Variants in UVRAG observed in about 807,000 individuals in gnomAD.
UVRAG encodes the protein UV radiation resistance associated.
A neutral mutation model predicts 78.0 loss-of-function variants in UVRAG; 19 were observed. The observed-to-expected ratio is 0.24, with a 90% CI of 0.17 to 0.36. The LOEUF is 0.36. Among genes scored for constraint, UVRAG ranks in the 10% least tolerant of loss-of-function variants. The pLI is 1.00. For missense variants in UVRAG, 740 were observed against 853.8 expected (o/e 0.87, Z 1.66); for synonymous variants, 323 against 324.6 (o/e 1.00, Z 0.05).
At chr11:75,991,661 C>A (rs936893605) in intron 8 of UVRAG, among the ~76,000 whole-genome samples, 1 of 152,040 alleles carries the variant, frequency 6.6e-6, no homozygotes, top group African/African-American at 2.4e-5. Flanking sequence ...CTGAATAATA[C>A]TACATTTTTA....
intron 13 of UVRAG, among the ~76,000 whole-genome samples, chr11:76,080,643 G>A (rs898242572): frequency 4.6e-5 from 7 of 152,216 alleles, no homozygotes; most frequent in South Asian, 4.2e-4. Flanking sequence ...TCGTTAGTAC[G>A]TTCAAATTAT....
chr11:76,038,285 G>A (rs1017475261), intron 12 of UVRAG, among the ~76,000 whole-genome samples: 2 of 151,900 alleles, frequency 1.3e-5, no homozygotes, highest in African/African-American at 4.8e-5. Flanking sequence ...AATTAACACA[G>A]TTCATGAAAA....
chr11:75,887,290 C>T (rs1040651782), intron 4 of UVRAG, among the ~76,000 whole-genome samples: 6 of 151,792 alleles, frequency 4.0e-5, no homozygotes, highest in African/African-American at 1.5e-4. Context: ...GGATTACAGG[C>T]GCCCGCCACC....
At chr11:75,970,600 G>A (rs895608114) in intron 7 of UVRAG, among the ~76,000 whole-genome samples, 1 of 151,994 alleles carries the variant, frequency 6.6e-6, no homozygotes, top group East Asian at 1.9e-4. Context: ...GGGCGTGGTC[G>A]CGGGCGCCTG....
intron 6 of UVRAG, among the ~76,000 whole-genome samples, chr11:75,960,164 G>A: frequency 6.6e-6 from 1 of 151,372 alleles, no homozygotes; most frequent in Admixed American, 6.6e-5. Flanking sequence ...GGCTCCAGTA[G>A]ACTTGATTGA....
intron 1 of UVRAG, among the ~76,000 whole-genome samples, chr11:75,825,311 C>T (rs1345848102): frequency 1.3e-5 from 2 of 152,002 alleles, no homozygotes; most frequent in African/African-American, 4.8e-5. Flanking sequence ...ACGGGTTTCA[C>T]CACATTGGCC....
At chr11:75,830,755 A>G (rs1945637810) in intron 1 of UVRAG, among the ~76,000 whole-genome samples, 1 of 152,156 alleles carries the variant, frequency 6.6e-6, no homozygotes, top group South Asian at 2.1e-4. Flanking sequence ...CATTTCCTCA[A>G]TTGCCAAATG....
chr11:76,102,884 T>C (rs57092805), intron 13 of UVRAG, among the ~76,000 whole-genome samples: 21,178 of 152,110 alleles, frequency 0.14, 3,822 homozygotes, highest in African/African-American at 0.42. Flanking sequence ...TGCTCAGGGT[T>C]TCACAAGGCC....
intron 12 of UVRAG, among the ~76,000 whole-genome samples, chr11:76,024,481 G>A (rs116428896): frequency 7.3e-4 from 111 of 152,122 alleles, no homozygotes; most frequent in African/African-American, 2.6e-3. Flanking sequence ...AACACAAATT[G>A]TATTTTGTTG....
chr11:76,052,470 C>T (rs1159069041), intron 12 of UVRAG, among the ~76,000 whole-genome samples: 1 of 152,192 alleles, frequency 6.6e-6, no homozygotes, highest in African/African-American at 2.4e-5. Context: ...TTCCCACCAG[C>T]TTCATTTCCT....
chr11:76,089,696 G>A lies in UVRAG; in HGVS notation c.1305+23908G>A, dbSNP rs1293648739. Reference sequence around the variant, plus strand: ...TTTCTGCTTGTTTCCCAGAGGTAACGACTTTCAACAATCTTAGCAGATTAT... The same window carrying A: ...TTTCTGCTTGTTTCCCAGAGGTAACAACTTTCAACAATCTTAGCAGATTAT... On this transcript the variant is annotated intron_variant, in intron 13 of 14. Transcript: ENST00000356136. 2.6e-5 allele frequency among the ~76,000 whole-genome samples: 4 copies of A among 152,104 alleles called. No homozygotes were observed. In the East Asian group the frequency reaches 7.7e-4, roughly 29 times the overall value.
In UVRAG at chr11:75,815,390, G is replaced by A. The variant is rs887086737; in HGVS notation, c.-18G>A. 4.6e-5 allele frequency: 56 copies of A among 1,215,394 alleles called. No individual in the cohort carries two copies. The highest frequency in any genetic ancestry group is 5.3e-5 in the Non-Finnish European group (51 of 967,286). 75.3% of individuals were successfully genotyped at this position (1,215,394 alleles called of 1,614,324 possible). On this transcript the variant is annotated 5_prime_UTR_variant, in exon 1 of 15. Transcript: ENST00000356136. ...CGGAAGAGTGCCCGCCCCGCCGCTT[G>A]GCGGCCCCTGGATCGAGATGAGCGC...
chr11:75,910,920 G>A (rs1482671902), intron 5 of UVRAG, among the ~76,000 whole-genome samples: 1 of 152,104 alleles, frequency 6.6e-6, no homozygotes, highest in Non-Finnish European at 1.5e-5. Context: ...TGATGGCTAG[G>A]CATAGTTGAA....
At chr11:75,838,967 G>C (rs1165602559) in intron 1 of UVRAG, 1 of 152,254 alleles carries the variant, frequency 6.6e-6, no homozygotes, top group Non-Finnish European at 1.5e-5. Context: ...CTTGCCATGC[G>C]ATACCCTGCA....
At chr11:76,024,769 T>A (rs1484282060) in intron 12 of UVRAG, among the ~76,000 whole-genome samples, 1 of 152,186 alleles carries the variant, frequency 6.6e-6, no homozygotes, top group Non-Finnish European at 1.5e-5. Context: ...TGCTTATGCC[T>A]CAGTTATTCT....
intron 5 of UVRAG, among the ~76,000 whole-genome samples, chr11:75,901,163 T>C (rs1314360662): frequency 6.6e-6 from 1 of 152,360 alleles, no homozygotes; most frequent in East Asian, 1.9e-4. Context: ...ACACAGGCTG[T>C]CTACTGATTC....
intron 1 of UVRAG, among the ~76,000 whole-genome samples, chr11:75,828,022 T>C (rs1291688479): frequency 2.0e-5 from 3 of 152,094 alleles, no homozygotes; most frequent in Non-Finnish European, 4.4e-5. Flanking sequence ...GAAGAAAGCT[T>C]TCTGGTTTTT....
chr11:75,870,871 TTTTA>T (rs764280961), intron 3 of UVRAG, among the ~76,000 whole-genome samples: 45 of 150,782 alleles, frequency 3.0e-4, no homozygotes, highest in Admixed American at 9.9e-4. Flanking sequence ...CTTTGCTTTA[TTTTA>T]TTTTTTTTTT....
At chr11:76,079,024 T>A (rs895423852) in intron 13 of UVRAG, among the ~76,000 whole-genome samples, 1 of 152,196 alleles carries the variant, frequency 6.6e-6, no homozygotes, top group Admixed American at 6.5e-5. Context: ...AGACTTCTCA[T>A]CTAAAGAATC....
Sources: allele counts gnomAD v4.1 joint callset (sites outside exome capture counted in the v4.1 genomes callset), GRCh38; gene constraint gnomAD v4.1.1; transcripts MANE v1.5; gene names NCBI Gene and HGNC (gene_info 2026-07-23, HGNC 2026-07-21).